PDE4D: variants seen among roughly 807,000 people sequenced by gnomAD.
PDE4D encodes the protein phosphodiesterase 4D.
PDE4D carries 24 observed loss-of-function variants against 87.4 expected under a neutral mutation model. The observed-to-expected ratio is 0.27, with a 90% CI of 0.20 to 0.39. PDE4D has a LOEUF of 0.39. PDE4D is among the 10% of genes least tolerant of loss of function. The probability of loss-of-function intolerance (pLI) is 1.00; values close to 1 mark genes in which losing one functional copy is unlikely to be tolerated. For synonymous variants in PDE4D, 384 were observed against 383.2 expected, an observed-to-expected ratio of 1.00 and a Z score of -0.02; for missense variants, 714 against 1,041.0, an observed-to-expected ratio of 0.69 and a Z score of 4.32.
At chr5:59,603,242 C>T (rs1476068278) in intron 1 of PDE4D, among the ~76,000 whole-genome samples, 1 of 151,902 alleles carries the variant, frequency 6.6e-6, no homozygotes, top group South Asian at 2.1e-4. Context: ...AAAATATTTA[C>T]AAGCTATACC....
At chr5:60,176,159 A>T (rs1361555530) in intron 2 of PDE4D, among the ~76,000 whole-genome samples, 1 of 152,102 alleles carries the variant, frequency 6.6e-6, no homozygotes, top group African/African-American at 2.4e-5. Flanking sequence ...TCACATTTTC[A>T]TGCTAGCCCA....
intron 5 of PDE4D, among the ~76,000 whole-genome samples, chr5:59,102,558 C>T (rs780037547): frequency 2.6e-5 from 4 of 152,004 alleles, no homozygotes; most frequent in Non-Finnish European, 5.9e-5. Flanking sequence ...TGGATATGAC[C>T]ATAATGCTAT....
intron 1 of PDE4D, among the ~76,000 whole-genome samples, chr5:59,544,096 C>T (rs73761533): frequency 0.016 from 2,408 of 152,236 alleles, 60 homozygotes; most frequent in African/African-American, 0.054. Context: ...CTGGGGCATG[C>T]AGACCATAAA....
intron 1 of PDE4D, among the ~76,000 whole-genome samples, chr5:60,363,387 A>T (rs1193331491): frequency 6.6e-6 from 1 of 152,152 alleles, no homozygotes; most frequent in Non-Finnish European, 1.5e-5. Flanking sequence ...TCCCTTCCAT[A>T]TAATAAAATT....
intron 1 of PDE4D, among the ~76,000 whole-genome samples, chr5:60,336,665 T>C (rs77501125): frequency 0.033 from 5,050 of 152,268 alleles, 126 homozygotes; most frequent in Middle Eastern, 0.082. Context: ...CCTCCTCTCT[T>C]TTTAGGTTGT....
chr5:60,103,534 C>G (rs1776481893), intron 2 of PDE4D, among the ~76,000 whole-genome samples: 1 of 152,166 alleles, frequency 6.6e-6, no homozygotes, highest in African/African-American at 2.4e-5. Context: ...ATGAGCCAAA[C>G]TGTTACCATT....
intron 2 of PDE4D, among the ~76,000 whole-genome samples, chr5:60,091,795 G>A (rs1226137652): frequency 3.3e-5 from 5 of 152,132 alleles, no homozygotes; most frequent in Admixed American, 6.5e-5. Flanking sequence ...GCTCACGCCT[G>A]TAATCCCAGC....
intron 5 of PDE4D, among the ~76,000 whole-genome samples, chr5:59,095,793 T>A (rs945503852): frequency 1.3e-5 from 2 of 152,178 alleles, no homozygotes; most frequent in Non-Finnish European, 2.9e-5. Flanking sequence ...TCAACAAATA[T>A]GAAATAATTA....
At chr5:59,864,694 A>G (rs1304677980) in intron 1 of PDE4D, among the ~76,000 whole-genome samples, 1 of 151,900 alleles carries the variant, frequency 6.6e-6, no homozygotes, top group Admixed American at 6.6e-5. Flanking sequence ...GTGTAGCTCT[A>G]TGGAAATAAC....
At chr5:59,565,084 A>G (rs1190288008) in intron 1 of PDE4D, among the ~76,000 whole-genome samples, 1 of 152,166 alleles carries the variant, frequency 6.6e-6, no homozygotes, top group Non-Finnish European at 1.5e-5. Flanking sequence ...GGTGTGGCAC[A>G]TGAGGTTGTG....
chr5:59,638,967 T>C (rs1741076414), intron 1 of PDE4D, among the ~76,000 whole-genome samples: 1 of 152,166 alleles, frequency 6.6e-6, no homozygotes, highest in Admixed American at 6.5e-5. Flanking sequence ...AAGGGCTACA[T>C]AGCAGAATTT....
At chr5:60,400,610 C>T (rs540577540) in intron 1 of PDE4D, among the ~76,000 whole-genome samples, 10 of 151,654 alleles carry the variant, frequency 6.6e-5, no homozygotes, top group Admixed American at 5.9e-4. Context: ...TCCTAACATC[C>T]TACTATAAAA....
intron 1 of PDE4D, among the ~76,000 whole-genome samples, chr5:59,427,544 G>T (rs1795471770): frequency 6.6e-6 from 1 of 152,082 alleles, no homozygotes; most frequent in Admixed American, 6.6e-5. Flanking sequence ...TTAAATCTCT[G>T]TATGAAGGGC....
At chr5:59,984,985 A>G (rs74971123) in intron 3 of PDE4D, among the ~76,000 whole-genome samples, 4,243 of 152,212 alleles carry the variant, frequency 0.028, 195 homozygotes, top group African/African-American at 0.098. Flanking sequence ...CTAACCTTTA[A>G]TAATGAGGCA....
chr5:60,030,178 C>T (rs985679098), intron 2 of PDE4D, among the ~76,000 whole-genome samples: 1 of 152,160 alleles, frequency 6.6e-6, no homozygotes, highest in African/African-American at 2.4e-5. Context: ...AGGCCGGGCG[C>T]GGTGGCTCAC....
intron 1 of PDE4D, among the ~76,000 whole-genome samples, chr5:59,743,603 C>A (rs2150683701): frequency 6.6e-6 from 1 of 152,102 alleles, no homozygotes; most frequent in East Asian, 1.9e-4. Flanking sequence ...AATGGTGCAA[C>A]CACTATGGAA....
chr5:59,986,228 G>A (rs1034704079), intron 3 of PDE4D, among the ~76,000 whole-genome samples: 2 of 152,164 alleles, frequency 1.3e-5, no homozygotes, highest in Non-Finnish European at 2.9e-5. Flanking sequence ...TTATTTATTT[G>A]TGTTTTTGAT....
chr5:59,501,557 G>C (rs1017573276), intron 1 of PDE4D, among the ~76,000 whole-genome samples: 1 of 152,158 alleles, frequency 6.6e-6, no homozygotes, highest in Non-Finnish European at 1.5e-5. Flanking sequence ...AATGCATCCA[G>C]AGGCAGAAGA....
At chr5:60,356,373 C>T (rs1176851253) in intron 1 of PDE4D, among the ~76,000 whole-genome samples, 1 of 152,188 alleles carries the variant, frequency 6.6e-6, no homozygotes, top group Non-Finnish European at 1.5e-5. Flanking sequence ...TCTCCGAATA[C>T]CATTTGCCTT....
Sources: allele counts gnomAD v4.1 joint callset (sites outside exome capture counted in the v4.1 genomes callset), GRCh38; gene constraint gnomAD v4.1.1; transcripts MANE v1.5; gene names NCBI Gene and HGNC (gene_info 2026-07-23, HGNC 2026-07-21).